The following PLD3 variants were observed in gnomAD, a reference collection of about 807,000 sequenced individuals.
PLD3 encodes phospholipase D family member 3, also known as 5'-3' exonuclease PLD3.
A neutral mutation model predicts 58.4 loss-of-function variants in PLD3; 31 were observed. The ratio of observed to expected loss-of-function variants is 0.53; its 90% CI spans 0.40 to 0.72. The LOEUF (loss-of-function observed/expected upper bound fraction) is 0.72. Ranked by LOEUF, PLD3 falls within the 30% of genes least tolerant of loss-of-function variation. The probability of loss-of-function intolerance (pLI) is 0.00; values close to 1 mark genes in which losing one functional copy is unlikely to be tolerated. For missense variants in PLD3, 595 were observed against 659.8 expected, an observed-to-expected ratio of 0.90 and a Z score of 1.08; for synonymous variants, 264 against 273.4, an observed-to-expected ratio of 0.97 and a Z score of 0.34.
In PLD3 at chr19:40,350,940, G is replaced by A. The variant is rs2078497330; in HGVS notation, c.-279+2172G>A. On this transcript the variant is annotated intron_variant, in intron 1 of 12. Coordinates refer to ENST00000409735, the MANE Select transcript of PLD3 (RefSeq NM_012268.4). Reference sequence around the variant, plus strand: ...GTGACATTTGAAACAAATACTTGAAGGAGAAGAGAGAGTAGGGCTGGGCAC... The same window carrying A: ...GTGACATTTGAAACAAATACTTGAAAGAGAAGAGAGAGTAGGGCTGGGCAC... Among the ~76,000 whole-genome samples, 3 of 152,002 alleles carry A rather than the reference G, an allele frequency of 2.0e-5. No homozygotes were observed. In the South Asian group the frequency reaches 6.2e-4, roughly 32 times the overall value.
At chr19:40,367,269 T>A in intron 5 of PLD3, 1 of 265,932 alleles carries the variant, frequency 3.8e-6, no homozygotes, top group Non-Finnish European at 7.1e-6. Context: ...AAATTTTTTT[T>A]AAAAGAAAAG....
At chr19:40,355,404 C>T (rs1252396726) in intron 1 of PLD3, among the ~76,000 whole-genome samples, 2 of 151,838 alleles carry the variant, frequency 1.3e-5, no homozygotes, top group Non-Finnish European at 2.9e-5. Flanking sequence ...CCTCTGCCTC[C>T]CAGGTTCAAG....
chr19:40,367,912 G>A (rs1431821205), intron 6 of PLD3, 33 bp downstream of exon 6: 3 of 1,514,172 alleles, frequency 2.0e-6, no homozygotes, highest in Non-Finnish European at 2.7e-6. Context: ...CCGGCAGCAG[G>A]GGCAGGGGGT....
chr19:40,367,573 C>T lies in PLD3; in HGVS notation c.246-123C>T. On this transcript the variant is annotated intron_variant, in intron 5 of 12. Transcript: ENST00000409735. ...TTCCAGCCTGGGGGACAGGGCAAGACTCTGTCTCTAAAAAAAAAAAAATAC... is the reference window on the plus strand; with the variant it reads ...TTCCAGCCTGGGGGACAGGGCAAGATTCTGTCTCTAAAAAAAAAAAAATAC... 6 of 797,038 alleles carry T rather than the reference C, an allele frequency of 7.5e-6. No individual in the cohort carries two copies. In the Admixed American group the frequency reaches 1.1e-4, roughly 15 times the overall value. 49.4% of individuals were successfully genotyped at this position (797,038 alleles called of 1,614,324 possible). A position where few individuals can be genotyped will look rare whatever the true frequency, so the allele number is the denominator to read the frequency against.
intron 12 of PLD3, 49 bp from the exon 13 acceptor site, chr19:40,377,937 A>T: frequency 6.2e-7 from 1 of 1,612,224 alleles, no homozygotes; most frequent in Non-Finnish European, 8.5e-7. Context: ...TTCAGACACC[A>T]GGGGCGGCCC....
intron 1 of PLD3, among the ~76,000 whole-genome samples, chr19:40,349,672 C>T (rs527764433): frequency 6.6e-6 from 1 of 152,298 alleles, no homozygotes; most frequent in East Asian, 1.9e-4. Context: ...AACCATGTCA[C>T]CCTCGGCCGG....
chr19:40,361,453 T>C (rs569280005), intron 1 of PLD3, among the ~76,000 whole-genome samples: 1 of 152,236 alleles, frequency 6.6e-6, no homozygotes, highest in East Asian at 1.9e-4. Flanking sequence ...GATCACATCA[T>C]CCTTCCCTGC....
At chr19:40,368,374 C>G (rs963030716) in intron 6 of PLD3, among the ~76,000 whole-genome samples, 3 of 152,186 alleles carry the variant, frequency 2.0e-5, no homozygotes, top group African/African-American at 7.2e-5. Context: ...CAGTGCCTGG[C>G]ACAGAGTCAG....
chr19:40,366,914 G>A lies in PLD3; in HGVS notation c.244G>A (p.Glu82Lys), dbSNP rs770914756. The A allele has an allele frequency of 4.4e-6, 7 of 1,597,646 alleles. No individual in the cohort carries two copies. The highest frequency in any genetic ancestry group is 2.2e-5 in the East Asian group (1 of 44,724). ...CCCAGCCCCCTGCTATGACCCTTGC[G>A]AGTAAGTGGGGGGTGCTGCAGTTGG... ...QRPAPCYDPCEAVLVESIPEG... is the reference protein window; with the variant it reads ...QRPAPCYDPCKAVLVESIPEG... The change falls in exon 5 of 13, where the codon GAA becomes AAA. Residue 82 changes from glutamate (E) to lysine (K), a missense_variant and splice_region_variant. Coordinates refer to ENST00000409735, the MANE Select transcript of PLD3 (RefSeq NM_012268.4).
chr19:40,373,970 A>C (rs1440891182), intron 9 of PLD3, among the ~76,000 whole-genome samples: 1 of 146,982 alleles, frequency 6.8e-6, no homozygotes, highest in African/African-American at 2.5e-5. Context: ...CCAGCCTAGG[A>C]GACAGAGCAA....
Position 40,374,631 on chromosome 19 carries a change from G to T in PLD3, c.1019+11G>T, listed in dbSNP as rs761579602. On this transcript the variant is annotated intron_variant, in intron 10 of 12. Coordinates refer to ENST00000409735, the MANE Select transcript of PLD3 (RefSeq NM_012268.4). ...CTCCCACCCTCACAGGTACTGCTGGGTGTGGAGATAGGGAGCCGCTGCAGT... is the reference window on the plus strand; with the variant it reads ...CTCCCACCCTCACAGGTACTGCTGGTTGTGGAGATAGGGAGCCGCTGCAGT... 3 of 1,613,820 alleles carry T rather than the reference G, an allele frequency of 1.9e-6. No homozygotes were observed. The highest frequency in any genetic ancestry group is 2.5e-6 in the Non-Finnish European group (3 of 1,179,930).
chr19:40,376,885 C>T (rs908354253), intron 11 of PLD3, 111 bp downstream of exon 11: 134 of 1,061,120 alleles, frequency 1.3e-4, no homozygotes, highest in Middle Eastern at 1.0e-3. Flanking sequence ...TGAGCCCTGT[C>T]ACTGTGGGGA....
intron 10 of PLD3, chr19:40,374,878 G>A (rs1459892295): frequency 3.9e-5 from 19 of 491,730 alleles, no homozygotes; most frequent in Admixed American, 7.0e-5. Context: ...TGAGAGGGCC[G>A]GGCGTGGTGG....
chr19:40,364,634 T>C (rs1407642967), intron 1 of PLD3, among the ~76,000 whole-genome samples: 1 of 146,856 alleles, frequency 6.8e-6, no homozygotes, highest in African/African-American at 2.5e-5. Flanking sequence ...TACTAAAAAA[T>C]ACAAAAAAAA....
chr19:40,376,630 T>C lies in PLD3; in HGVS notation c.1041T>C (p.Asp347=). The C allele has an allele frequency of 1.2e-6, 2 of 1,609,738 alleles. No homozygotes were observed. The highest frequency in any genetic ancestry group is 1.7e-6 in the Non-Finnish European group (2 of 1,179,952). The change falls in exon 11 of 13, where the codon GAT becomes GAC. Residue 347 remains aspartate, a synonymous_variant. Transcript: ENST00000409735. ...TCAGGTTCTGGCCTGCCATTGACGA[T>C]GGGCTGCGGCGGGCCACCTACGAGC... ...HPHRFWPAID[D]GLRRATYERG...
chr19:40,348,719 T>C lies in PLD3; in HGVS notation c.-328T>C, dbSNP rs978365786. 21 of 550,196 alleles carry C rather than the reference T, an allele frequency of 3.8e-5. No individual in the cohort carries two copies. The highest frequency in any genetic ancestry group is 3.2e-4 in the African/African-American group (16 of 49,880). 34.1% of individuals were successfully genotyped at this position (550,196 alleles called of 1,614,324 possible). ...GGGGCCGTCAGGCGGGGATACAGCC[T>C]GGAAGGTGCGTGTGGGGCTGGGTCT... On this transcript the variant is annotated 5_prime_UTR_variant, in exon 1 of 13. Coordinates refer to ENST00000409735, the MANE Select transcript of PLD3 (RefSeq NM_012268.4).
chr19:40,352,471 G>A (rs921477450), intron 1 of PLD3, among the ~76,000 whole-genome samples: 2 of 152,022 alleles, frequency 1.3e-5, no homozygotes, highest in Admixed American at 6.6e-5. Flanking sequence ...GAGGCAGCTT[G>A]GGTTCAAATC....
At chr19:40,366,358 G>A (rs1414980942) in intron 2 of PLD3, 61 bp from the exon 3 acceptor site, 1 of 830,716 alleles carries the variant, frequency 1.2e-6, no homozygotes, top group East Asian at 2.4e-5. Flanking sequence ...TCACTCTTCT[G>A]TGATGTCTGT....
At position 40,348,723 on chromosome 19, in the gene PLD3, A is replaced by G. The variant is rs916226196; in HGVS notation, c.-324A>G. On this transcript the variant is annotated 5_prime_UTR_variant, in exon 1 of 13. Coordinates refer to ENST00000409735, the MANE Select transcript of PLD3 (RefSeq NM_012268.4). ...CCGTCAGGCGGGGATACAGCCTGGAAGGTGCGTGTGGGGCTGGGTCTCGGA... is the reference window on the plus strand; with the variant it reads ...CCGTCAGGCGGGGATACAGCCTGGAGGGTGCGTGTGGGGCTGGGTCTCGGA... 4 of 541,298 alleles carry G rather than the reference A, an allele frequency of 7.4e-6. No individual in the cohort carries two copies. The highest frequency in any genetic ancestry group is 6.0e-5 in the African/African-American group (3 of 49,704). 33.5% of individuals were successfully genotyped at this position (541,298 alleles called of 1,614,324 possible).
Sources: gnomAD v4.1 joint callset for allele counts (sites outside exome capture counted in the v4.1 genomes callset) on GRCh38, gnomAD v4.1.1 for gene constraint, MANE v1.5 for transcripts, NCBI Gene and HGNC (gene_info 2026-07-23, HGNC 2026-07-21) for gene names.